DIP2B: variants seen among roughly 807,000 people sequenced by gnomAD.
The protein encoded by DIP2B is disco-interacting protein 2 homolog B.
In DIP2B, 76 loss-of-function variants were observed where a neutral mutation model predicts 198.0. The observed-to-expected ratio is 0.38, with a 90% CI of 0.32 to 0.46. The LOEUF (loss-of-function observed/expected upper bound fraction) is 0.46, where lower values mean the gene tolerates loss of function less well. Ranked by LOEUF, DIP2B falls within the 20% of genes least tolerant of loss-of-function variation. The pLI is 0.99. For missense variants in DIP2B, 1,559 were observed against 1,978.4 expected, an observed-to-expected ratio of 0.79 and a Z score of 4.02; for synonymous variants, 701 against 739.1, an observed-to-expected ratio of 0.95 and a Z score of 0.84.
intron 1 of DIP2B, among the ~76,000 whole-genome samples, chr12:50,511,483 G>A (rs1360723116): frequency 6.6e-6 from 1 of 150,794 alleles, no homozygotes; most frequent in African/African-American, 2.4e-5. Context: ...GGTAGAGACG[G>A]GGTTTCACTA....
chr12:50,601,411 C>G (rs1033629189), intron 1 of DIP2B, among the ~76,000 whole-genome samples: 1 of 151,674 alleles, frequency 6.6e-6, no homozygotes, highest in Non-Finnish European at 1.5e-5. Flanking sequence ...GTGGCGCGAT[C>G]TCGACTCACT....
chr12:50,588,996 A>G lies in DIP2B; in HGVS notation c.101-36980A>G, dbSNP rs909369309. ...TCAGGAGATCGAGACCATCCTGGCT[A>G]ACACGGTGAAACCCTGTCTCTACTA... On this transcript the variant is annotated intron_variant, in intron 1 of 37. Transcript: ENST00000301180. 1.4e-4 allele frequency among the ~76,000 whole-genome samples: 21 copies of G among 151,974 alleles called. No individual in the cohort carries two copies. The East Asian group carries it at 3.9e-3, about 28-fold the overall frequency.
chr12:50,712,020 A>G (rs2139574094), intron 22 of DIP2B, among the ~76,000 whole-genome samples: 1 of 152,208 alleles, frequency 6.6e-6, no homozygotes, highest in South Asian at 2.1e-4. Context: ...AAATGAATAA[A>G]TAAATTAGCT....
At chr12:50,653,466 G>A (rs1938498244) in intron 3 of DIP2B, among the ~76,000 whole-genome samples, 1 of 150,520 alleles carries the variant, frequency 6.6e-6, no homozygotes, top group African/African-American at 2.4e-5. Context: ...CCAGCCCTGG[G>A]TAGCTGGTAC....
chr12:50,592,217 C>T (rs1259955710), intron 1 of DIP2B, among the ~76,000 whole-genome samples: 1 of 151,986 alleles, frequency 6.6e-6, no homozygotes, highest in Non-Finnish European at 1.5e-5. Context: ...GCCTGTTGTC[C>T]AGGCTGGAGT....
intron 1 of DIP2B, among the ~76,000 whole-genome samples, chr12:50,553,788 G>A (rs942409015): frequency 6.6e-6 from 1 of 151,992 alleles, no homozygotes; most frequent in African/African-American, 2.4e-5. Flanking sequence ...CAAGTAGCTA[G>A]GACTACAGCA....
At chr12:50,725,212 GT>G (rs1224201629) in intron 28 of DIP2B, among the ~76,000 whole-genome samples, 8 of 152,104 alleles carry the variant, frequency 5.3e-5, no homozygotes, top group Non-Finnish European at 1.2e-4. Flanking sequence ...TGATCCTTTC[GT>G]TCGAGATGTG....
At chr12:50,671,104 GAA>G in intron 4 of DIP2B, 80 bp from the exon 5 acceptor site, 1 of 1,369,830 alleles carries the variant, frequency 7.3e-7, no homozygotes, top group Non-Finnish European at 1.0e-6. Flanking sequence ...TGTCGAAACT[GAA>G]TGTGTGATCA....
Position 50,741,520 on chromosome 12 carries a change from C to G in DIP2B, c.4459C>G (p.His1487Asp). 6.2e-7 allele frequency: 1 copy of G among 1,613,674 alleles called. No homozygotes were observed. Among genetic ancestry groups the G allele is most frequent in the Non-Finnish European group, 8.5e-7 (1 of 1,179,760 alleles). ...IDIETSVSRIHRSIAECAVFT... is the reference protein window; with the variant it reads ...IDIETSVSRIDRSIAECAVFT... Reference sequence around the variant, plus strand: ...TATTGAGACCTCGGTGTCCCGGATCCACAGAAGCATTGCTGAATGGTAACT... The same window carrying G: ...TATTGAGACCTCGGTGTCCCGGATCGACAGAAGCATTGCTGAATGGTAACT... Residue 1487 changes from histidine (H) to aspartate (D), a missense_variant, in exon 37 of 38, where the codon CAC (histidine) becomes GAC (aspartate). Coordinates refer to ENST00000301180, the MANE Select transcript of DIP2B (RefSeq NM_173602.3).
chr12:50,651,597 T>TCCTCAAAAG (rs1938454097), intron 3 of DIP2B, among the ~76,000 whole-genome samples: 1 of 152,200 alleles, frequency 6.6e-6, no homozygotes, highest in South Asian at 2.1e-4. Context: ...CTTTCCTCAT[T>TCCTCAAAAG]GTGTAGTTTT....
intron 2 of DIP2B, among the ~76,000 whole-genome samples, chr12:50,639,699 T>C (rs1046810871): frequency 1.3e-5 from 2 of 152,172 alleles, no homozygotes; most frequent in Non-Finnish European, 2.9e-5. Flanking sequence ...GGCATTTAAT[T>C]TGCTATGTGT....
chr12:50,575,063 C>G (rs928686903), intron 1 of DIP2B, among the ~76,000 whole-genome samples: 1 of 152,120 alleles, frequency 6.6e-6, no homozygotes, highest in Admixed American at 6.6e-5. Context: ...GTTTACCTCC[C>G]TCTCTGGTGT....
intron 1 of DIP2B, 56 bp downstream of exon 1, chr12:50,505,296 G>A (rs1957956492): frequency 7.3e-7 from 1 of 1,369,654 alleles, no homozygotes; most frequent in African/African-American, 1.5e-5. Flanking sequence ...CGGCGACTTG[G>A]GAGACAGGTC....
At chr12:50,624,256 C>A (rs1380358760) in intron 1 of DIP2B, among the ~76,000 whole-genome samples, 2 of 152,156 alleles carry the variant, frequency 1.3e-5, no homozygotes, top group African/African-American at 4.8e-5. Context: ...GTCCCACAGG[C>A]CTGTCCTAAG....
rs769343537 is a variant in DIP2B at position 50,723,185 on chromosome 12, G to C, written c.3167-17G>C. On this transcript the variant is annotated splice_polypyrimidine_tract_variant and intron_variant, in intron 26 of 37. Coordinates refer to ENST00000301180, the MANE Select transcript of DIP2B (RefSeq NM_173602.3). ...GGCAGTTCAGTGACTCTCCTGACAG[G>C]GTCCTTTGTCTTGCAGGCATTGAGT... is the stretch of plus-strand genomic sequence containing the variant. 12 of 1,613,610 alleles carry C rather than the reference G, an allele frequency of 7.4e-6. No individual in the cohort carries two copies. Among genetic ancestry groups the C allele is most frequent in the South Asian group, 2.2e-5 (2 of 91,048 alleles).
chr12:50,541,871 G>A (rs1593593475), intron 1 of DIP2B, among the ~76,000 whole-genome samples: 1 of 152,070 alleles, frequency 6.6e-6, no homozygotes, highest in Admixed American at 6.6e-5. Context: ...ACGTGATGGC[G>A]TATGCCTGTA....
intron 12 of DIP2B, among the ~76,000 whole-genome samples, chr12:50,689,214 A>G (rs540951034): frequency 1.7e-4 from 26 of 152,260 alleles, no homozygotes; most frequent in Non-Finnish European, 3.4e-4. Context: ...CCTGGGCAAC[A>G]TGGCGAAATT....
At chr12:50,602,609 C>T (rs1183700871) in intron 1 of DIP2B, among the ~76,000 whole-genome samples, 2 of 151,782 alleles carry the variant, frequency 1.3e-5, no homozygotes, top group East Asian at 3.9e-4. Flanking sequence ...ACGCCTAATC[C>T]CAGCATTTTG....
intron 1 of DIP2B, among the ~76,000 whole-genome samples, chr12:50,560,607 C>A (rs1384328866): frequency 6.6e-6 from 1 of 151,192 alleles, no homozygotes; most frequent in African/African-American, 2.4e-5. Context: ...AAAAATCAGC[C>A]AAGCGTGGTG....
Sources: gnomAD v4.1 joint callset for allele counts (sites outside exome capture counted in the v4.1 genomes callset) on GRCh38, gnomAD v4.1.1 for gene constraint, MANE v1.5 for transcripts, NCBI Gene and HGNC (gene_info 2026-07-23, HGNC 2026-07-21) for gene names.